The following DCC variants were observed in gnomAD, a reference collection of about 807,000 sequenced individuals.
The protein encoded by DCC is netrin receptor DCC.
In DCC, 58 loss-of-function variants were observed where a neutral mutation model predicts 172.5. That is an observed-to-expected ratio of 0.34 (90% CI 0.27 to 0.42). DCC has a LOEUF of 0.42. Among genes scored for constraint, DCC ranks in the 10% least tolerant of loss-of-function variants. DCC has a pLI of 1.00. For synonymous variants in DCC, 709 were observed against 644.5 expected (o/e 1.10, Z -1.52); for missense variants, 1,740 against 1,791.0 (o/e 0.97, Z 0.51).
chr18:53,397,268 A>G (rs778524127), intron 17 of DCC, 40 bp from the exon 18 acceptor site: 32 of 1,585,984 alleles, frequency 2.0e-5, no homozygotes, highest in Non-Finnish European at 1.6e-5. Flanking sequence ...AAGTTGATAG[A>G]GTTTATTTTT....
chr18:53,238,146 T>A (rs1186436394), intron 12 of DCC, among the ~76,000 whole-genome samples: 1 of 152,202 alleles, frequency 6.6e-6, no homozygotes, highest in East Asian at 1.9e-4. Context: ...ATTTCCTTCA[T>A]GACAGCTGTT....
At chr18:52,438,182 A>G (rs1292835312) in intron 1 of DCC, among the ~76,000 whole-genome samples, 1 of 152,170 alleles carries the variant, frequency 6.6e-6, no homozygotes, top group Non-Finnish European at 1.5e-5. Flanking sequence ...ATATACACAC[A>G]CAATTTTCAC....
At chr18:53,499,093 G>T (rs1428465196) in intron 26 of DCC, among the ~76,000 whole-genome samples, 1 of 152,076 alleles carries the variant, frequency 6.6e-6, no homozygotes, top group African/African-American at 2.4e-5. Context: ...TGTCCTGCTG[G>T]ATCTATTTCT....
intron 2 of DCC, among the ~76,000 whole-genome samples, chr18:52,781,045 A>G (rs1040399945): frequency 6.6e-6 from 1 of 152,198 alleles, no homozygotes; most frequent in Non-Finnish European, 1.5e-5. Context: ...TTAAATAAAG[A>G]CTTAAAGACC....
At chr18:53,158,173 C>G (rs2054776749) in intron 8 of DCC, among the ~76,000 whole-genome samples, 1 of 152,050 alleles carries the variant, frequency 6.6e-6, no homozygotes, top group Non-Finnish European at 1.5e-5. Flanking sequence ...ATAATACTTA[C>G]CTTGCAAGGC....
intron 12 of DCC, among the ~76,000 whole-genome samples, chr18:53,276,239 C>T (rs2056805511): frequency 6.6e-6 from 1 of 152,102 alleles, no homozygotes; most frequent in Non-Finnish European, 1.5e-5. Context: ...GTTCTTTAAT[C>T]AATTGTAAAC....
chr18:53,425,717 A>G (rs552024938), intron 21 of DCC, among the ~76,000 whole-genome samples: 11 of 152,130 alleles, frequency 7.2e-5, no homozygotes, highest in African/African-American at 2.4e-4. Context: ...CATCATCATC[A>G]GAGTCATACA....
In DCC at chr18:52,420,820, G is replaced by A. The variant is rs544588294; in HGVS notation, c.91+79942G>A. Among the ~76,000 whole-genome samples the A allele has an allele frequency of 9.2e-5, 14 of 152,246 alleles. No individual in the cohort carries two copies. The East Asian group carries it at 2.5e-3, about 27-fold the overall frequency. ...AAGTCAGCCTGGCATCATGGAAAAG[G>A]CCTTGAGCTAAAATTAGGTTTAATG... On this transcript the variant is annotated intron_variant, in intron 1 of 28. Transcript: ENST00000442544.
intron 11 of DCC, among the ~76,000 whole-genome samples, chr18:53,214,991 G>T (rs551716857): frequency 3.3e-5 from 5 of 152,140 alleles, no homozygotes; most frequent in Non-Finnish European, 7.3e-5. Flanking sequence ...CTCATCAAGT[G>T]CTATTTGCAA....
chr18:52,912,799 A>T (rs956709710), intron 3 of DCC, among the ~76,000 whole-genome samples: 1 of 152,088 alleles, frequency 6.6e-6, no homozygotes, highest in Non-Finnish European at 1.5e-5. Flanking sequence ...AAAGGATCTC[A>T]TTTATTATTT....
chr18:53,254,202 C>G (rs528445846), intron 12 of DCC, among the ~76,000 whole-genome samples: 6 of 152,032 alleles, frequency 3.9e-5, no homozygotes, highest in Non-Finnish European at 5.9e-5. Flanking sequence ...GTCATCTGAG[C>G]AACAGGGCTC....
chr18:53,035,924 A>G (rs183134234), intron 5 of DCC, among the ~76,000 whole-genome samples: 153 of 152,172 alleles, frequency 1.0e-3, no homozygotes, highest in African/African-American at 3.6e-3. Context: ...GTATTTCACT[A>G]TTACAAATAA....
intron 1 of DCC, among the ~76,000 whole-genome samples, chr18:52,660,862 G>A (rs1213961825): frequency 1.3e-5 from 2 of 152,166 alleles, no homozygotes; most frequent in African/African-American, 4.8e-5. Context: ...TATCATGCCA[G>A]CACTTCTAGA....
At chr18:52,402,966 G>A (rs1986496656) in intron 1 of DCC, among the ~76,000 whole-genome samples, 1 of 152,012 alleles carries the variant, frequency 6.6e-6, no homozygotes, top group South Asian at 2.1e-4. Context: ...AGCAAATACA[G>A]AAGTTTAGTC....
chr18:53,389,876 T>G (rs1908428187), intron 16 of DCC, among the ~76,000 whole-genome samples: 1 of 152,198 alleles, frequency 6.6e-6, no homozygotes, highest in African/African-American at 2.4e-5. Flanking sequence ...GTATGGCACC[T>G]GTGAAAAAAC....
At chr18:53,255,289 T>G (rs929187320) in intron 12 of DCC, among the ~76,000 whole-genome samples, 2 of 151,632 alleles carry the variant, frequency 1.3e-5, no homozygotes, top group Non-Finnish European at 2.9e-5. Context: ...TATGTATACA[T>G]GTACCATGTT....
chr18:53,261,727 C>G (rs2056606158), intron 12 of DCC, among the ~76,000 whole-genome samples: 1 of 152,074 alleles, frequency 6.6e-6, no homozygotes, highest in African/African-American at 2.4e-5. Context: ...TCTTGATCTC[C>G]TGACCTTGTG....
intron 1 of DCC, among the ~76,000 whole-genome samples, chr18:52,672,677 C>T (rs78797881): frequency 0.048 from 6,670 of 139,040 alleles, 233 homozygotes; most frequent in South Asian, 0.18. Flanking sequence ...TTCCCCCCTT[C>T]CCTCCTTCCT....
chr18:52,923,776 A>G lies in DCC; in HGVS notation c.767A>G (p.Asp256Gly). The G allele has an allele frequency of 1.9e-6, 3 of 1,612,782 alleles. No homozygotes were observed. Among genetic ancestry groups the G allele is most frequent in the Non-Finnish European group, 1.7e-6 (2 of 1,178,958 alleles). Residue 256 changes from aspartate to glycine, a missense_variant, in exon 4 of 29, where the codon GAT (aspartate) becomes GGT (glycine). Physicochemically the swap from Asp to Gly is moderately conservative, Grantham distance 94. This residue lies in a region of DCC where 1,732 missense variants were observed against 1,767.4 expected (regional missense o/e 0.98). Coordinates refer to ENST00000442544, the MANE Select transcript of DCC (RefSeq NM_005215.4). ...PSNVVAIEGKDAVLECCVSGY... is the reference protein window; with the variant it reads ...PSNVVAIEGKGAVLECCVSGY... ...AATGTAGTAGCCATTGAAGGAAAAGATGCTGTCCTGGAATGTTGTGTTTCT... is the reference window on the plus strand; with the variant it reads ...AATGTAGTAGCCATTGAAGGAAAAGGTGCTGTCCTGGAATGTTGTGTTTCT...
Sources: allele counts gnomAD v4.1 joint callset (sites outside exome capture counted in the v4.1 genomes callset), GRCh38; gene constraint gnomAD v4.1.1; regional missense constraint gnomAD v4.1.1; transcripts MANE v1.5; gene names NCBI Gene and HGNC (gene_info 2026-07-23, HGNC 2026-07-21).